TNR: variants seen among roughly 807,000 people sequenced by gnomAD.
The protein encoded by TNR is tenascin R.
Under a neutral mutation model 150.4 loss-of-function variants are expected in TNR, and 45 were observed. The observed-to-expected ratio is 0.30, with a 90% CI of 0.24 to 0.38. TNR has a LOEUF of 0.38. Ranked by LOEUF, TNR falls within the 10% of genes least tolerant of loss-of-function variation. TNR has a pLI of 1.00. For missense variants in TNR, 1,544 were observed against 1,759.1 expected (o/e 0.88, Z 2.19); for synonymous variants, 687 against 678.4 (o/e 1.01, Z -0.20).
chr1:175,742,126 G>A (rs909819519), intron 1 of TNR, among the ~76,000 whole-genome samples: 1 of 152,302 alleles, frequency 6.6e-6, no homozygotes, highest in Admixed American at 6.5e-5. Flanking sequence ...GTGTCTCCAA[G>A]ACAATACCAA....
At chr1:175,331,054 T>TTTCTTTCTTTCTTTCC (rs1491493317) in intron 20 of TNR, among the ~76,000 whole-genome samples, 36 of 105,766 alleles carry the variant, frequency 3.4e-4, no homozygotes, top group African/African-American at 1.3e-3. Context: ...TCTTTCTTTC[T>TTTCTTTCTTTCTTTCC]TTCTTTCTTT....
chr1:175,610,861 G>C (rs144787107), intron 1 of TNR, among the ~76,000 whole-genome samples: 24 of 152,364 alleles, frequency 1.6e-4, no homozygotes, highest in African/African-American at 5.8e-4. Flanking sequence ...CACCACTGCA[G>C]TAAGAGAGAA....
rs532491698 is a variant in TNR at position 175,519,322 on chromosome 1, A to G, written c.-64+8947T>C. On this transcript the variant is annotated intron_variant, in intron 2 of 22. Transcript: ENST00000367674. ...TGTTCAGGGGAAGGAAATTGTTTACAATTGTCCTGTGTTATCCATTAAATT... is the reference window on the plus strand; with the variant it reads ...TGTTCAGGGGAAGGAAATTGTTTACGATTGTCCTGTGTTATCCATTAAATT... Among the ~76,000 whole-genome samples, 5 of 152,320 alleles carry G rather than the reference A, an allele frequency of 3.3e-5. No individual in the cohort carries two copies. The East Asian group carries it at 9.6e-4, about 29-fold the overall frequency.
intron 18 of TNR, among the ~76,000 whole-genome samples, chr1:175,341,647 T>G (rs905120872): frequency 6.6e-6 from 1 of 152,194 alleles, no homozygotes; most frequent in African/African-American, 2.4e-5. Context: ...TTCTTGGGTG[T>G]TCCTTTAAAA....
At chr1:175,420,815 G>T (rs1654717702) in intron 2 of TNR, among the ~76,000 whole-genome samples, 1 of 152,186 alleles carries the variant, frequency 6.6e-6, no homozygotes, top group South Asian at 2.1e-4. Context: ...GAAGTGCTCT[G>T]AGGGTAATGT....
At chr1:175,617,495 C>T (rs1277463063) in intron 1 of TNR, among the ~76,000 whole-genome samples, 3 of 152,198 alleles carry the variant, frequency 2.0e-5, no homozygotes, top group Non-Finnish European at 2.9e-5. Context: ...TGCCCTATGT[C>T]CCATTACCTT....
chr1:175,559,118 A>C (rs1661310427), intron 1 of TNR, among the ~76,000 whole-genome samples: 1 of 152,204 alleles, frequency 6.6e-6, no homozygotes, highest in African/African-American at 2.4e-5. Flanking sequence ...AAATTTCACT[A>C]TACAAACAAA....
At chr1:175,344,499 G>A (rs939221164) in intron 18 of TNR, among the ~76,000 whole-genome samples, 19 of 152,288 alleles carry the variant, frequency 1.2e-4, no homozygotes, top group Admixed American at 9.2e-4. Context: ...ATAGTAGGTT[G>A]TATTATTGCT....
chr1:175,672,032 C>A (rs1483093864), intron 1 of TNR, among the ~76,000 whole-genome samples: 5 of 151,878 alleles, frequency 3.3e-5, no homozygotes, highest in Admixed American at 6.6e-5. Context: ...CATAGCAGAA[C>A]CCCAATAAAT....
chr1:175,575,268 T>C (rs1284925967), intron 1 of TNR, among the ~76,000 whole-genome samples: 1 of 152,188 alleles, frequency 6.6e-6, no homozygotes, highest in Non-Finnish European at 1.5e-5. Flanking sequence ...AATGGACAGG[T>C]GGTGTGAACA....
intron 21 of TNR, among the ~76,000 whole-genome samples, chr1:175,328,979 G>A (rs1001954750): frequency 2.6e-4 from 40 of 152,306 alleles, no homozygotes; most frequent in African/African-American, 8.4e-4. Context: ...CATTTCAATG[G>A]CTATTTTATG....
intron 2 of TNR, among the ~76,000 whole-genome samples, chr1:175,467,941 A>G (rs1657103623): frequency 6.6e-6 from 1 of 152,256 alleles, no homozygotes. Flanking sequence ...TTGCCTTTAA[A>G]GTACTAACAT....
intron 2 of TNR, among the ~76,000 whole-genome samples, chr1:175,487,304 G>A (rs996111160): frequency 6.6e-6 from 1 of 152,174 alleles, no homozygotes; most frequent in Non-Finnish European, 1.5e-5. Context: ...GTGGAGCTCA[G>A]GTGGTAATGC....
intron 2 of TNR, among the ~76,000 whole-genome samples, chr1:175,473,567 G>A (rs1261440941): frequency 1.3e-5 from 2 of 152,192 alleles, no homozygotes; most frequent in Non-Finnish European, 2.9e-5. Flanking sequence ...ATGTAGGAAA[G>A]CCGGTGAAGT....
chr1:175,418,850 G>A (rs1654627009), intron 2 of TNR, among the ~76,000 whole-genome samples: 1 of 152,178 alleles, frequency 6.6e-6, no homozygotes, highest in Non-Finnish European at 1.5e-5. Context: ...CTAAGAAGAT[G>A]TCAGAGATCC....
intron 2 of TNR, among the ~76,000 whole-genome samples, chr1:175,419,523 G>T (rs1308242478): frequency 6.6e-6 from 1 of 152,056 alleles, no homozygotes; most frequent in Admixed American, 6.6e-5. Flanking sequence ...CTTGTGCATG[G>T]TGTCCAATTC....
At chr1:175,499,228 A>T (rs1347571042) in intron 2 of TNR, among the ~76,000 whole-genome samples, 1 of 152,234 alleles carries the variant, frequency 6.6e-6, no homozygotes, top group Non-Finnish European at 1.5e-5. Context: ...ACATGACATC[A>T]TCTTCTTCTC....
intron 1 of TNR, among the ~76,000 whole-genome samples, chr1:175,577,062 G>T (rs1163404830): frequency 1.3e-5 from 2 of 152,124 alleles, no homozygotes; most frequent in African/African-American, 4.8e-5. Context: ...CATATGCAGG[G>T]TGATTAGAGA....
intron 2 of TNR, among the ~76,000 whole-genome samples, chr1:175,439,376 A>G (rs1655674319): frequency 1.3e-5 from 2 of 152,172 alleles, no homozygotes; most frequent in African/African-American, 4.8e-5. Context: ...AAATTAATTC[A>G]AGATGGATTA....
Sources: allele counts gnomAD v4.1 joint callset (sites outside exome capture counted in the v4.1 genomes callset), GRCh38; gene constraint gnomAD v4.1.1; transcripts MANE v1.5; gene names NCBI Gene and HGNC (gene_info 2026-07-23, HGNC 2026-07-21).